Variants in PLXDC1 observed in about 807,000 individuals in gnomAD.
The protein encoded by PLXDC1 is plexin domain-containing protein 1.
A neutral mutation model predicts 61.3 loss-of-function variants in PLXDC1; 39 were observed. The ratio of observed to expected loss-of-function variants is 0.64; its 90% CI spans 0.49 to 0.83. The LOEUF is 0.83. Ranked by LOEUF, PLXDC1 falls within the 40% of genes least tolerant of loss-of-function variation. The pLI, the probability that PLXDC1 is intolerant of heterozygous loss-of-function variation, is 0.00. For missense variants in PLXDC1, 596 were observed against 666.5 expected (o/e 0.89, Z 1.17); for synonymous variants, 212 against 254.5 (o/e 0.83, Z 1.59).
intron 2 of PLXDC1, among the ~76,000 whole-genome samples, chr17:39,114,029 G>C (rs1362406500): frequency 1.3e-5 from 2 of 151,880 alleles, no homozygotes; most frequent in African/African-American, 4.9e-5. Flanking sequence ...TCTTATCTTT[G>C]CCCTTCTTCT....
At chr17:39,125,176 C>T (rs903196832) in intron 2 of PLXDC1, among the ~76,000 whole-genome samples, 1 of 152,194 alleles carries the variant, frequency 6.6e-6, no homozygotes, top group African/African-American at 2.4e-5. Context: ...CCCCAGCTGC[C>T]CTCTGGACAT....
intron 7 of PLXDC1, among the ~76,000 whole-genome samples, chr17:39,098,759 T>C (rs942820925): frequency 1.3e-5 from 2 of 151,950 alleles, no homozygotes; most frequent in African/African-American, 4.8e-5. Flanking sequence ...GTAAAAAAGA[T>C]TGGAGTAAGA....
chr17:39,139,894 C>T (rs780383420), intron 1 of PLXDC1, 62 bp from the exon 2 acceptor site: 54 of 1,493,834 alleles, frequency 3.6e-5, no homozygotes, highest in Non-Finnish European at 4.9e-5. Context: ...GGAGGGGAAT[C>T]CAGCCCAGTT....
chr17:39,150,879 C>T (rs2045368040), intron 1 of PLXDC1, among the ~76,000 whole-genome samples: 2 of 152,198 alleles, frequency 1.3e-5, no homozygotes, highest in African/African-American at 4.8e-5. Flanking sequence ...CAGGCAGAGA[C>T]GCTGTGTCCC....
intron 2 of PLXDC1, among the ~76,000 whole-genome samples, chr17:39,110,890 T>C (rs943006866): frequency 6.6e-6 from 1 of 151,650 alleles, no homozygotes; most frequent in African/African-American, 2.4e-5. Flanking sequence ...TCGGGGGCTA[T>C]TCCCTCTGCC....
intron 7 of PLXDC1, among the ~76,000 whole-genome samples, chr17:39,091,442 C>T (rs541710012): frequency 2.0e-5 from 3 of 152,180 alleles, no homozygotes; most frequent in East Asian, 1.9e-4. Flanking sequence ...GCACTGGAGC[C>T]GGATGGTTTA....
At chr17:39,101,632 C>T (rs757319) in intron 7 of PLXDC1, among the ~76,000 whole-genome samples, 4 of 152,122 alleles carry the variant, frequency 2.6e-5, no homozygotes, top group African/African-American at 4.8e-5. Flanking sequence ...CCTTATTTGC[C>T]GCTTAGCAGT....
At chr17:39,133,871 C>T (rs1447990681) in intron 2 of PLXDC1, among the ~76,000 whole-genome samples, 2 of 152,278 alleles carry the variant, frequency 1.3e-5, no homozygotes, top group African/African-American at 4.8e-5. Context: ...AAGCAATCCT[C>T]CCACCTCAGC....
At chr17:39,108,366 T>A (rs1449001662) in intron 4 of PLXDC1, 121 bp from the exon 5 acceptor site, 3 of 1,051,056 alleles carry the variant, frequency 2.9e-6, no homozygotes. Flanking sequence ...CTGAGACCTC[T>A]GTCGCCCATC....
At chr17:39,127,450 C>T (rs1301789861) in intron 2 of PLXDC1, among the ~76,000 whole-genome samples, 2 of 152,090 alleles carry the variant, frequency 1.3e-5, no homozygotes, top group African/African-American at 2.4e-5. Flanking sequence ...TGGACATTAC[C>T]GCACAACACC....
At position 39,109,134 on chromosome 17, in the gene PLXDC1, G is replaced by A. The variant is rs1910704087; in HGVS notation, c.399+114C>T. On this transcript the variant is annotated intron_variant, in intron 3 of 13. Transcript: ENST00000315392. Reference sequence around the variant, plus strand: ...CAAAGTCCCATGGGAACCCCTGGAAGGTACCTCCCAGGTCACAGACCTCGG... The same window carrying A: ...CAAAGTCCCATGGGAACCCCTGGAAAGTACCTCCCAGGTCACAGACCTCGG... The A allele has an allele frequency of 2.1e-6, 3 of 1,410,698 alleles. No individual in the cohort carries two copies. The South Asian group carries it at 3.9e-5, about 19-fold the overall frequency. 87.4% of individuals were successfully genotyped at this position (1,410,698 alleles called of 1,614,324 possible).
chr17:39,108,921 A>G lies in PLXDC1; in HGVS notation c.452T>C (p.Ile151Thr), dbSNP rs781347779. Reference sequence around the variant, plus strand: ...GGCCTTACCTCCAGTTGCTATGGTGATCTGCCGCAGAGGATGCCCGTAGAA... The same window carrying G: ...GGCCTTACCTCCAGTTGCTATGGTGGTCTGCCGCAGAGGATGCCCGTAGAA... The part of the protein sequence containing the change: ...FPFYGHPLRQ[I>T]TIATGGFIFM... The change falls in exon 4 of 14, where the codon ATC becomes ACC. Residue 151 changes from isoleucine to threonine, a missense_variant. Physicochemically the swap from Ile to Thr is moderately conservative, Grantham distance 89. Transcript: ENST00000315392. 1.9e-6 allele frequency: 3 copies of G among 1,613,384 alleles called. No homozygotes were observed. Among genetic ancestry groups the G allele is most frequent in the South Asian group, 2.2e-5 (2 of 90,928 alleles).
intron 1 of PLXDC1, among the ~76,000 whole-genome samples, chr17:39,142,957 A>G (rs677480): frequency 0.26 from 38,883 of 151,818 alleles, 6,988 homozygotes; most frequent in African/African-American, 0.52. Flanking sequence ...GGCCAACATG[A>G]CGAAACCCCG....
intron 1 of PLXDC1, among the ~76,000 whole-genome samples, chr17:39,140,196 C>T (rs1396452706): frequency 6.6e-6 from 1 of 152,256 alleles, no homozygotes; most frequent in African/African-American, 2.4e-5. Context: ...TTCTCAACCT[C>T]AGCTATACAC....
At chr17:39,104,716 G>A (rs775936505) in intron 7 of PLXDC1, among the ~76,000 whole-genome samples, 1 of 152,116 alleles carries the variant, frequency 6.6e-6, no homozygotes, top group Non-Finnish European at 1.5e-5. Flanking sequence ...CCTGGGAGGT[G>A]GAGGCTGCAG....
intron 2 of PLXDC1, among the ~76,000 whole-genome samples, chr17:39,130,383 G>T (rs1015409226): frequency 6.6e-6 from 1 of 151,960 alleles, no homozygotes; most frequent in Non-Finnish European, 1.5e-5. Flanking sequence ...AGCCCAGGAG[G>T]TCGAGGCTGC....
At chr17:39,149,065 C>T (rs1225515472) in intron 1 of PLXDC1, among the ~76,000 whole-genome samples, 1 of 152,164 alleles carries the variant, frequency 6.6e-6, no homozygotes. Context: ...CTGCTCTGCA[C>T]CCCAAGGCCA....
At chr17:39,105,094 G>A (rs1910548767) in intron 7 of PLXDC1, among the ~76,000 whole-genome samples, 1 of 152,248 alleles carries the variant, frequency 6.6e-6, no homozygotes, top group Non-Finnish European at 1.5e-5. Flanking sequence ...CCCAGGTGGG[G>A]TGGGAAGGGC....
At chr17:39,145,695 C>T (rs2045337038) in intron 1 of PLXDC1, among the ~76,000 whole-genome samples, 1 of 152,036 alleles carries the variant, frequency 6.6e-6, no homozygotes. Flanking sequence ...TGAGATACAC[C>T]GAACTGGAAA....
Sources: gnomAD v4.1 joint callset for allele counts (sites outside exome capture counted in the v4.1 genomes callset) on GRCh38, gnomAD v4.1.1 for gene constraint, MANE v1.5 for transcripts, NCBI Gene and HGNC (gene_info 2026-07-23, HGNC 2026-07-21) for gene names.